KIF15: variants seen among roughly 807,000 people sequenced by gnomAD.
KIF15 encodes kinesin-like protein KIF15.
Under a neutral mutation model 190.6 loss-of-function variants are expected in KIF15, and 140 were observed. The observed-to-expected ratio is 0.73, with a 90% CI of 0.64 to 0.84. The LOEUF (loss-of-function observed/expected upper bound fraction) is 0.84. Among genes scored for constraint, KIF15 ranks in the 40% least tolerant of loss-of-function variants. The pLI is 0.00. For missense variants in KIF15, 1,372 were observed against 1,584.4 expected (o/e 0.87, Z 2.28); for synonymous variants, 528 against 551.3 (o/e 0.96, Z 0.59).
At chr3:44,802,105 C>A in intron 13 of KIF15, 131 bp downstream of exon 13, 1 of 621,502 alleles carries the variant, frequency 1.6e-6, no homozygotes, top group Non-Finnish European at 2.8e-6. Flanking sequence ...AGTGTGATTG[C>A]ATAATTCCTT....
chr3:44,774,478 G>A lies in KIF15; in HGVS notation c.62+41G>A, dbSNP rs1575578350. On this transcript the variant is annotated intron_variant, in intron 2 of 34. Coordinates refer to ENST00000326047, the MANE Select transcript of KIF15 (RefSeq NM_020242.3). ...TTCTCAATGAGCTCCCAAAGGACTAGGGATGGAATATTTTTAAAATAACCA... is the reference window on the plus strand; with the variant it reads ...TTCTCAATGAGCTCCCAAAGGACTAAGGATGGAATATTTTTAAAATAACCA... 2.0e-6 allele frequency: 3 copies of A among 1,516,364 alleles called. No homozygotes were observed. In the African/African-American group the frequency reaches 4.2e-5, roughly 21 times the overall value. 93.9% of individuals were successfully genotyped at this position (1,516,364 alleles called of 1,614,324 possible).
chr3:44,824,736 C>G (rs572136401), intron 20 of KIF15, among the ~76,000 whole-genome samples: 1 of 152,226 alleles, frequency 6.6e-6, no homozygotes, highest in Admixed American at 6.5e-5. Flanking sequence ...ATTCTATTTT[C>G]ATCATTAAAT....
intron 1 of KIF15, among the ~76,000 whole-genome samples, chr3:44,773,041 A>G (rs2125900341): frequency 1.3e-5 from 2 of 152,226 alleles, no homozygotes; most frequent in South Asian, 4.1e-4. Context: ...GCTTGGTTAC[A>G]GCTTAAGACC....
At chr3:44,778,979 C>CAAA (rs60269306) in intron 4 of KIF15, among the ~76,000 whole-genome samples, 1,478 of 74,798 alleles carry the variant, frequency 0.02, 14 homozygotes, top group Middle Eastern at 0.047. Flanking sequence ...GACTCCGCCT[C>CAAA]AAAAAAAAAA....
intron 29 of KIF15, among the ~76,000 whole-genome samples, chr3:44,841,559 G>A (rs1045023396): frequency 5.3e-5 from 8 of 151,900 alleles, no homozygotes; most frequent in African/African-American, 1.2e-4. Context: ...CACCACACTC[G>A]GCTAATTTTT....
In KIF15 at chr3:44,786,545, G is replaced by T; in HGVS notation, c.610G>T (p.Val204Leu). Residue 204 changes from valine (V) to leucine (L), a missense_variant, in exon 7 of 35, where the codon GTG becomes TTG. By Grantham distance (32) the Val-to-Leu change is conservative (BLOSUM62 1). Transcript: ENST00000326047. ...GVFVVGAVEQ[V>L]VTSAAEAYQV... ...CTTTGTTGTTGGTGCGGTGGAGCAG[G>T]TGGTAACCTCAGCTGCTGAAGCCTA... 1 of 1,612,976 alleles carries T rather than the reference G, an allele frequency of 6.2e-7. No homozygotes were observed. Among genetic ancestry groups the T allele is most frequent in the Non-Finnish European group, 8.5e-7 (1 of 1,179,260 alleles).
chr3:44,844,372 G>A (rs1166070792), intron 30 of KIF15, among the ~76,000 whole-genome samples: 2 of 152,286 alleles, frequency 1.3e-5, no homozygotes, highest in East Asian at 1.9e-4. Flanking sequence ...AAAAAAGCAC[G>A]TGCCTCCCTT....
At position 44,830,885 on chromosome 3, in the gene KIF15, C is replaced by G. The variant is rs751325097; in HGVS notation, c.3049-11C>G. On this transcript the variant is annotated splice_polypyrimidine_tract_variant and intron_variant, in intron 25 of 34. Coordinates refer to ENST00000326047, the MANE Select transcript of KIF15 (RefSeq NM_020242.3). ...AAAATGGCTCTTATAGCATGACTTT[C>G]TTTTCTACAGTGCAAATACAACTCT... 28 of 1,607,554 alleles carry G rather than the reference C, an allele frequency of 1.7e-5. No homozygotes were observed. The highest frequency in any genetic ancestry group is 2.3e-5 in the Non-Finnish European group (27 of 1,178,228).
chr3:44,826,603 A>G (rs1697669593), intron 22 of KIF15, 143 bp downstream of exon 22: 1 of 598,016 alleles, frequency 1.7e-6, no homozygotes, highest in Non-Finnish European at 2.9e-6. Context: ...GTTCTTTTGT[A>G]TAAATGGCTA....
intron 30 of KIF15, among the ~76,000 whole-genome samples, chr3:44,847,078 A>G (rs1698881511): frequency 8.5e-5 from 13 of 152,230 alleles, no homozygotes; most frequent in Admixed American, 8.5e-4. Context: ...ACGTTTGCCA[A>G]TCCTTGGATT....
At chr3:44,790,331 C>T (rs1706625997) in intron 7 of KIF15, among the ~76,000 whole-genome samples, 1 of 152,124 alleles carries the variant, frequency 6.6e-6, no homozygotes, top group Admixed American at 6.5e-5. Context: ...GCTTGTGCCA[C>T]CACACCCGGC....
At chr3:44,791,333 A>G (rs1020402571) in intron 7 of KIF15, among the ~76,000 whole-genome samples, 1 of 152,238 alleles carries the variant, frequency 6.6e-6, no homozygotes, top group Non-Finnish European at 1.5e-5. Flanking sequence ...CTTTTCATCA[A>G]TATTAAATGG....
chr3:44,822,409 C>T (rs922963354), intron 20 of KIF15, among the ~76,000 whole-genome samples: 5 of 152,140 alleles, frequency 3.3e-5, no homozygotes, highest in South Asian at 2.1e-4. Context: ...GTGGGTAACC[C>T]GACCTTTCAC....
chr3:44,812,399 T>C, intron 18 of KIF15, 110 bp downstream of exon 18: 1 of 732,836 alleles, frequency 1.4e-6, no homozygotes, highest in Admixed American at 2.5e-5. Flanking sequence ...TGAAACATAT[T>C]CAGAGAGTAT....
intron 6 of KIF15, among the ~76,000 whole-genome samples, chr3:44,860,919 A>T (rs748308834): frequency 6.6e-6 from 1 of 152,218 alleles, no homozygotes; most frequent in Non-Finnish European, 1.5e-5. Flanking sequence ...TTTCCTGGAG[A>T]GTGGAAATAG....
At chr3:44,819,909 C>A (rs992000749) in intron 20 of KIF15, among the ~76,000 whole-genome samples, 10 of 152,134 alleles carry the variant, frequency 6.6e-5, no homozygotes, top group African/African-American at 2.4e-4. Flanking sequence ...TCAGGACTTG[C>A]TTTATGAATC....
chr3:44,830,872 A>G (rs772852457), intron 25 of KIF15, 24 bp from the exon 26 acceptor site: 2 of 1,604,200 alleles, frequency 1.2e-6, no homozygotes, highest in African/African-American at 1.3e-5. Flanking sequence ...AATGGCTCTT[A>G]TAGCATGACT....
intron 5 of KIF15, among the ~76,000 whole-genome samples, chr3:44,783,686 A>G (rs555760756): frequency 7.2e-5 from 11 of 152,328 alleles, no homozygotes; most frequent in Admixed American, 5.9e-4. Context: ...CCTCTGTTAT[A>G]TATTTCTTAA....
In KIF15 at chr3:44,813,521, G is replaced by A. The variant is rs1005669903; in HGVS notation, c.2383+341G>A. On this transcript the variant is annotated intron_variant, in intron 19 of 34. Transcript: ENST00000326047. ...CAACCTCCACCTCCCGAGTTCAAGC[G>A]ATTCCCCACCTCAGCCTCCTGAGTA... 2.6e-4 allele frequency among the ~76,000 whole-genome samples: 40 copies of A among 151,330 alleles called. 3 individuals carry two copies. Among genetic ancestry groups the A allele is most frequent in the Non-Finnish European group, 2.9e-5 (2 of 67,900 alleles).
Sources: allele counts gnomAD v4.1 joint callset (sites outside exome capture counted in the v4.1 genomes callset), GRCh38; gene constraint gnomAD v4.1.1; transcripts MANE v1.5; gene names NCBI Gene and HGNC (gene_info 2026-07-23, HGNC 2026-07-21).